The following ADARB2 variants were observed in gnomAD, a reference collection of about 807,000 sequenced individuals.
The protein encoded by ADARB2 is inactive double-stranded RNA-specific editase B2.
A neutral mutation model predicts 62.2 loss-of-function variants in ADARB2; 25 were observed. That is an observed-to-expected ratio of 0.40 (90% CI 0.29 to 0.56). The LOEUF is 0.56. Among genes scored for constraint, ADARB2 ranks in the 20% least tolerant of loss-of-function variants. The probability of loss-of-function intolerance (pLI) is 0.43; values close to 1 mark genes in which losing one functional copy is unlikely to be tolerated. For missense variants in ADARB2, 1,071 were observed against 1,077.4 expected (o/e 0.99, Z 0.08); for synonymous variants, 572 against 500.8 (o/e 1.14, Z -1.90).
At position 1,180,034 on chromosome 10, in the gene ADARB2, AC is replaced by A. The variant is rs1415940194; in HGVS notation, c.*3158del. ...AGGGGAATGGGTGGCCACTCTTAAG[AC>A]CAATTCAGTGGTCAAAACTGCAGGG... On this transcript the variant is annotated 3_prime_UTR_variant, in exon 10 of 10. Transcript: ENST00000381312. The A allele has an allele frequency of 6.6e-6, 1 of 152,074 alleles. No individual in the cohort carries two copies. The highest frequency in any genetic ancestry group is 1.5e-5 in the Non-Finnish European group (1 of 68,052). The allele number at this position is 152,074 out of a possible 1,614,324, so 9.4% of individuals were successfully genotyped here.
chr10:1,678,198 C>T, intron 1 of ADARB2: 3 of 985,384 alleles, frequency 3.0e-6, no homozygotes, highest in Non-Finnish European at 3.6e-6. Context: ...GCCACAGGAC[C>T]TCAGGGTGAG....
Position 1,218,684 on chromosome 10 carries a change from T to C in ADARB2, c.1514-1565A>G, listed in dbSNP as rs191396891. Among the ~76,000 whole-genome samples, 285 of 152,260 alleles carry C rather than the reference T, an allele frequency of 1.9e-3. 1 individual carries two copies. Among genetic ancestry groups the C allele is most frequent in the African/African-American group, 6.5e-3 (270 of 41,544 alleles). ...TGGGGCGGATTTCTCATGCCCAGTT[T>C]ACTACCGTCCCCTTGGTGCTGTCCT... On this transcript the variant is annotated intron_variant, in intron 6 of 9. Transcript: ENST00000381312.
intron 1 of ADARB2, among the ~76,000 whole-genome samples, chr10:1,538,569 C>T (rs768008353): frequency 5.9e-5 from 9 of 152,290 alleles, no homozygotes; most frequent in East Asian, 3.9e-4. Flanking sequence ...CCCAGACCTG[C>T]GGGAAGAGTG....
chr10:1,669,637 G>A (rs1834356707), intron 1 of ADARB2, among the ~76,000 whole-genome samples: 1 of 144,710 alleles, frequency 6.9e-6, no homozygotes, highest in African/African-American at 2.6e-5. Context: ...AACACACACA[G>A]ACACATGCAG....
At chr10:1,672,938 C>G (rs1339938517) in intron 1 of ADARB2, among the ~76,000 whole-genome samples, 1 of 152,176 alleles carries the variant, frequency 6.6e-6, no homozygotes, top group African/African-American at 2.4e-5. Flanking sequence ...ACACTTTTAA[C>G]CTACGGGTTT....
At chr10:1,671,295 T>G (rs1034766509) in intron 1 of ADARB2, among the ~76,000 whole-genome samples, 1 of 152,204 alleles carries the variant, frequency 6.6e-6, no homozygotes, top group Non-Finnish European at 1.5e-5. Context: ...TTCTATTCAT[T>G]ACATCCCAGC....
chr10:1,223,134 C>A (rs534881975), intron 6 of ADARB2, among the ~76,000 whole-genome samples: 19 of 152,252 alleles, frequency 1.2e-4, no homozygotes, highest in Non-Finnish European at 2.2e-4. Flanking sequence ...TCCTTCACAT[C>A]CCTTGTAAGT....
intron 3 of ADARB2, among the ~76,000 whole-genome samples, chr10:1,360,660 C>T (rs577925221): frequency 3.3e-5 from 5 of 152,158 alleles, no homozygotes; most frequent in South Asian, 2.1e-4. Context: ...GCATGGGGAG[C>T]GGTACGAGGG....
chr10:1,288,838 A>T (rs1831437511), intron 3 of ADARB2, among the ~76,000 whole-genome samples: 1 of 152,224 alleles, frequency 6.6e-6, no homozygotes, highest in Non-Finnish European at 1.5e-5. Flanking sequence ...GCACTCTGAC[A>T]TGTGACGCGG....
intron 1 of ADARB2, among the ~76,000 whole-genome samples, chr10:1,617,726 G>T (rs1186510983): frequency 6.6e-6 from 1 of 151,266 alleles, no homozygotes; most frequent in African/African-American, 2.4e-5. Context: ...GCCTCAGAGG[G>T]TTGCATTCTG....
intron 4 of ADARB2, among the ~76,000 whole-genome samples, chr10:1,243,145 G>A (rs1044011157): frequency 1.3e-5 from 2 of 152,178 alleles, no homozygotes; most frequent in African/African-American, 2.4e-5. Flanking sequence ...CAGTGTTGCC[G>A]ATCCAATAAC....
At chr10:1,681,829 C>T (rs956474957) in intron 1 of ADARB2, among the ~76,000 whole-genome samples, 5 of 152,148 alleles carry the variant, frequency 3.3e-5, no homozygotes, top group East Asian at 1.9e-4. Context: ...TGGCTCCCTG[C>T]GAGCAATCCT....
chr10:1,703,352 G>C (rs1237507030), intron 1 of ADARB2, among the ~76,000 whole-genome samples: 1 of 152,172 alleles, frequency 6.6e-6, no homozygotes, highest in Non-Finnish European at 1.5e-5. Context: ...GTGGGGACCT[G>C]GAGGAGTGGA....
chr10:1,540,531 G>T (rs1190333262), intron 1 of ADARB2, among the ~76,000 whole-genome samples: 3 of 112,780 alleles, frequency 2.7e-5, no homozygotes, highest in Admixed American at 9.4e-5. Flanking sequence ...CTCAGACGTA[G>T]TTCAGACCCT....
chr10:1,413,297 C>T (rs1418813484), intron 1 of ADARB2, among the ~76,000 whole-genome samples: 3 of 152,118 alleles, frequency 2.0e-5, no homozygotes, highest in East Asian at 3.9e-4. Flanking sequence ...GCCCCAATCC[C>T]GACACTGACA....
chr10:1,254,145 A>G (rs1349115774), intron 4 of ADARB2, among the ~76,000 whole-genome samples: 1 of 143,044 alleles, frequency 7.0e-6, no homozygotes, highest in African/African-American at 2.7e-5. Context: ...CCGTGGTTAG[A>G]ATGCAGTGGG....
chr10:1,251,982 T>A (rs1208644291), intron 4 of ADARB2, among the ~76,000 whole-genome samples: 1 of 152,176 alleles, frequency 6.6e-6, no homozygotes, highest in Non-Finnish European at 1.5e-5. Flanking sequence ...AGCAATGAAC[T>A]TCTGTTGTTT....
At chr10:1,279,178 C>T (rs757807745) in intron 3 of ADARB2, among the ~76,000 whole-genome samples, 3 of 152,170 alleles carry the variant, frequency 2.0e-5, no homozygotes, top group African/African-American at 4.8e-5. Flanking sequence ...ATGATGGTGT[C>T]GGCCAGGTCA....
At chr10:1,433,634 G>A (rs965166633) in intron 1 of ADARB2, among the ~76,000 whole-genome samples, 1 of 152,100 alleles carries the variant, frequency 6.6e-6, no homozygotes, top group Non-Finnish European at 1.5e-5. Flanking sequence ...GTCCAACCCT[G>A]AGCCTGAGTG....
Sources: gnomAD v4.1 joint callset for allele counts (sites outside exome capture counted in the v4.1 genomes callset) on GRCh38, gnomAD v4.1.1 for gene constraint, MANE v1.5 for transcripts, NCBI Gene and HGNC (gene_info 2026-07-23, HGNC 2026-07-21) for gene names.